The following KCNN2 variants were observed in gnomAD, a reference collection of about 807,000 sequenced individuals.
KCNN2 encodes small conductance calcium-activated potassium channel protein 2.
KCNN2 carries 24 observed loss-of-function variants against 55.5 expected under a neutral mutation model. That is an observed-to-expected ratio of 0.43 (90% CI 0.31 to 0.61). The LOEUF is 0.61. KCNN2 is among the 20% of genes least tolerant of loss of function. The probability of loss-of-function intolerance (pLI) is 0.08; values close to 1 mark genes in which losing one functional copy is unlikely to be tolerated. For synonymous variants in KCNN2, 431 were observed against 336.1 expected, an observed-to-expected ratio of 1.28 and a Z score of -3.09; for missense variants, 754 against 853.6, an observed-to-expected ratio of 0.88 and a Z score of 1.45.
intron 1 of KCNN2, among the ~76,000 whole-genome samples, chr5:114,129,372 T>A (rs1752002931): frequency 2.6e-5 from 4 of 151,984 alleles, no homozygotes; most frequent in African/African-American, 9.7e-5. Context: ...CTTATCAGGA[T>A]TGTTTCCAAT....
At chr5:114,286,571 A>G (rs1198963954) in intron 2 of KCNN2, among the ~76,000 whole-genome samples, 1 of 152,214 alleles carries the variant, frequency 6.6e-6, no homozygotes, top group Admixed American at 6.5e-5. Flanking sequence ...TTAACCTTAT[A>G]GTTCCACATT....
At chr5:114,172,537 A>G (rs1018986817) in intron 1 of KCNN2, among the ~76,000 whole-genome samples, 1 of 150,974 alleles carries the variant, frequency 6.6e-6, no homozygotes, top group Non-Finnish European at 1.5e-5. Flanking sequence ...TGGGAGAGTT[A>G]TACTGCATCA....
chr5:114,310,225 AAGAG>A (rs1180165731), intron 2 of KCNN2, among the ~76,000 whole-genome samples: 1 of 152,104 alleles, frequency 6.6e-6, no homozygotes, highest in Non-Finnish European at 1.5e-5. Flanking sequence ...AGAGAGAAAG[AAGAG>A]AGAGAGGGAG....
Position 114,232,922 on chromosome 5 carries a change from C to CTTGTTTTTTTTGT in KCNN2, c.-185+11368_-185+11369insGTTTGTTTTTTTT, listed in dbSNP as rs1554076021. 2.0e-4 allele frequency among the ~76,000 whole-genome samples: 9 copies of CTTGTTTTTTTTGT among 44,034 alleles called. 2 individuals are homozygous for CTTGTTTTTTTTGT. Among genetic ancestry groups the CTTGTTTTTTTTGT allele is most frequent in the Admixed American group, 5.4e-4 (2 of 3,686 alleles). 28.9% of individuals were successfully genotyped at this position (44,034 alleles called of 152,430 possible). On this transcript the variant is annotated intron_variant, in intron 2 of 10. Transcript: ENST00000512097. ...TCAGAGGTAATTTTTTATATTGTTT[C>CTTGTTTTTTTTGT]TTGTTTTTTTTTTTTTGAGACGGAG...
chr5:114,292,011 A>G (rs1484198758), intron 2 of KCNN2, among the ~76,000 whole-genome samples: 9 of 151,558 alleles, frequency 5.9e-5, no homozygotes, highest in Non-Finnish European at 1.2e-4. Context: ...GTCTGTTCAT[A>G]TCCTTCACCC....
chr5:114,145,568 G>A (rs574266004), intron 1 of KCNN2, among the ~76,000 whole-genome samples: 1 of 152,256 alleles, frequency 6.6e-6, no homozygotes, highest in Non-Finnish European at 1.5e-5. Context: ...CCATTAGTGG[G>A]TCCCAGGAAC....
intron 2 of KCNN2, among the ~76,000 whole-genome samples, chr5:114,244,337 C>A (rs546870271): frequency 1.1e-3 from 56 of 52,436 alleles, no homozygotes; most frequent in Admixed American, 3.6e-3. Flanking sequence ...CTGGGCATGG[C>A]GGCTCATTGC....
intron 2 of KCNN2, among the ~76,000 whole-genome samples, chr5:114,279,088 T>G (rs1755563698): frequency 6.6e-6 from 1 of 152,086 alleles, no homozygotes; most frequent in Non-Finnish European, 1.5e-5. Flanking sequence ...AAATTATTAA[T>G]TTTATAATTA....
intron 3 of KCNN2, among the ~76,000 whole-genome samples, chr5:114,443,822 G>T (rs1760303447): frequency 6.6e-6 from 1 of 152,238 alleles, no homozygotes. Flanking sequence ...GTGTTTGGAA[G>T]TAAAGAGATC....
At chr5:114,071,864 A>T (rs1429444257) in intron 1 of KCNN2, among the ~76,000 whole-genome samples, 1 of 152,246 alleles carries the variant, frequency 6.6e-6, no homozygotes, top group African/African-American at 2.4e-5. Context: ...TTGCAAACTT[A>T]ATTGCCAATG....
rs190953181 is a variant in KCNN2 at position 114,482,332 on chromosome 5, T to C, written c.1891-4718T>C. Among the ~76,000 whole-genome samples, 16 of 152,228 alleles carry C rather than the reference T, an allele frequency of 1.1e-4. No individual in the cohort carries two copies. The East Asian group carries it at 3.1e-3, about 29-fold the overall frequency. ...AATCGGAAACCACAATGAGATACCA[T>C]CTCACACCCATCAGAATGGCCATTA... is the stretch of plus-strand genomic sequence containing the variant. On this transcript the variant is annotated intron_variant, in intron 5 of 7. Transcript: ENST00000673685.
In KCNN2 at chr5:114,080,033, A is replaced by G. The variant is rs141787179; in HGVS notation, c.-271+23533A>G. On this transcript the variant is annotated intron_variant, in intron 1 of 10. Coordinates refer to the KCNN2 transcript ENST00000512097. ...CATTACTTTGAATTTACCTATATGG[A>G]AGGACCTCTGGTGGATTCACATACA... Among the ~76,000 whole-genome samples, 3 of 152,132 alleles carry G rather than the reference A, an allele frequency of 2.0e-5. No individual in the cohort carries two copies. The East Asian group carries it at 5.8e-4, about 29-fold the overall frequency.
chr5:114,178,767 G>T (rs1753183821), intron 1 of KCNN2, among the ~76,000 whole-genome samples: 1 of 152,084 alleles, frequency 6.6e-6, no homozygotes, highest in Non-Finnish European at 1.5e-5. Flanking sequence ...ATAGAGTTAG[G>T]GTTTCATTTG....
At chr5:114,494,550 A>G (rs1258485602) in intron 7 of KCNN2, among the ~76,000 whole-genome samples, 1 of 152,020 alleles carries the variant, frequency 6.6e-6, no homozygotes, top group Non-Finnish European at 1.5e-5. Context: ...AAAAAAAGAT[A>G]GGGCAAGCTC....
chr5:114,295,619 A>G (rs1050059970), intron 2 of KCNN2, among the ~76,000 whole-genome samples: 11 of 152,120 alleles, frequency 7.2e-5, no homozygotes, highest in African/African-American at 2.7e-4. Flanking sequence ...TTCTTTGACT[A>G]GGAAAGGGAA....
At position 114,241,773 on chromosome 5, in the gene KCNN2, TACATATATAC is replaced by T. The variant is rs1754639111; in HGVS notation, c.-185+20209_-185+20218del. Among the ~76,000 whole-genome samples the T allele has an allele frequency of 3.1e-4, 11 of 35,580 alleles. 3 individuals are homozygous for T. In the East Asian group the frequency reaches 6.3e-3, roughly 20 times the overall value. 23.3% of individuals were successfully genotyped at this position (35,580 alleles called of 152,430 possible). ...ATATGTATATATATACGTATATATATACATATATACGTATATATATGTATATATATACGTA... is the reference window on the plus strand; with the variant it reads ...ATATGTATATATATACGTATATATATGTATATATATGTATATATATACGTA... On this transcript the variant is annotated intron_variant, in intron 2 of 10. Coordinates refer to the KCNN2 transcript ENST00000512097.
rs1390955193 is a variant in KCNN2, at chr5:114,496,099, T to C, written c.2293T>C (p.Tyr765His). 1 of 1,614,034 alleles carries C rather than the reference T, an allele frequency of 6.2e-7. No homozygotes were observed. The highest frequency in any genetic ancestry group is 8.5e-7 in the Non-Finnish European group (1 of 1,179,978). The change falls in exon 8 of 8, where the codon TAC (tyrosine) becomes CAC (histidine). Residue 765 changes from tyrosine to histidine, a missense_variant. By Grantham distance (83) the Tyr-to-His change is moderately conservative. Transcript: ENST00000673685. ...QMESYDKHVT[Y>H]NAERSRSSSR... ...GGAGAGCTACGACAAGCACGTCACT[T>C]ACAATGCTGAGCGGTCCCGGTCCTC...
At chr5:114,445,978 C>T (rs1019221703) in intron 3 of KCNN2, among the ~76,000 whole-genome samples, 71 of 152,286 alleles carry the variant, frequency 4.7e-4, no homozygotes, top group Non-Finnish European at 9.9e-4. Flanking sequence ...AACAAGGGTG[C>T]TTTGCAAGCC....
rs774943135 is a variant in KCNN2, at chr5:114,165,989, G to T, written c.-270-55491G>T. 5.3e-5 allele frequency among the ~76,000 whole-genome samples: 8 copies of T among 152,074 alleles called. 1 individual carries two copies. In the South Asian group the frequency reaches 1.7e-3, roughly 32 times the overall value. The stretch of plus-strand genomic sequence containing the variant: ...CTTTGCTAGTTGATAAGAATAAGCT[G>T]CCTATATGTCTTACCATCTATAAAT... On this transcript the variant is annotated intron_variant, in intron 1 of 10. Transcript: ENST00000512097.
Sources: gnomAD v4.1 joint callset for allele counts (sites outside exome capture counted in the v4.1 genomes callset) on GRCh38, gnomAD v4.1.1 for gene constraint, MANE v1.5 for transcripts, NCBI Gene and HGNC (gene_info 2026-07-23, HGNC 2026-07-21) for gene names.